Variants in BRINP3 observed in about 807,000 individuals in gnomAD.
BRINP3 encodes the protein BMP/retinoic acid-inducible neural-specific protein 3.
BRINP3 carries 19 observed loss-of-function variants against 71.0 expected under a neutral mutation model. The ratio of observed to expected loss-of-function variants is 0.27; its 90% CI spans 0.19 to 0.39. The LOEUF is 0.39. BRINP3 is among the 10% of genes least tolerant of loss of function. The pLI is 1.00. For synonymous variants in BRINP3, 380 were observed against 337.7 expected, an observed-to-expected ratio of 1.13 and a Z score of -1.37; for missense variants, 959 against 940.8, an observed-to-expected ratio of 1.02 and a Z score of -0.25.
chr1:190,436,489 A>T (rs1350105423), intron 2 of BRINP3, among the ~76,000 whole-genome samples: 1 of 151,846 alleles, frequency 6.6e-6, no homozygotes, highest in Non-Finnish European at 1.5e-5. Context: ...ATTCAAGCTA[A>T]ATTATAAGAT....
At chr1:190,246,281 G>A (rs1490683766) in intron 4 of BRINP3, among the ~76,000 whole-genome samples, 1 of 151,716 alleles carries the variant, frequency 6.6e-6, no homozygotes, top group Non-Finnish European at 1.5e-5. Flanking sequence ...TTCCTCTAGA[G>A]ACCAGAATCC....
chr1:190,162,768 T>G (rs1324597468), intron 6 of BRINP3, among the ~76,000 whole-genome samples: 3 of 152,150 alleles, frequency 2.0e-5, no homozygotes, highest in African/African-American at 7.2e-5. Flanking sequence ...TTAACTGAAC[T>G]AAAGTGAGTA....
intron 2 of BRINP3, among the ~76,000 whole-genome samples, chr1:190,309,053 T>C (rs753504128): frequency 1.3e-5 from 2 of 151,930 alleles, no homozygotes; most frequent in African/African-American, 4.8e-5. Context: ...CAAGTGTACA[T>C]CAACAGATTA....
rs763233124 is a variant in BRINP3, at chr1:190,160,770, C to T, written c.1082G>A (p.Ser361Asn). The change falls in exon 7 of 8, where the codon AGC becomes AAC. Residue 361 changes from serine (S) to asparagine (N), a missense_variant. Ser to Asn is a conservative substitution (Grantham distance 46). Transcript: ENST00000367462. ...FQRRYEQLEN[S>N]MKQLFLKAQK... ...CGCCTTTAGGAAAAGTTGTTTCATG[C>T]TGTTCTCCAGTTGTTCATAACGGCG... 8 of 1,613,468 alleles carry T rather than the reference C, an allele frequency of 5.0e-6. No homozygotes were observed. In the African/African-American group the frequency reaches 9.3e-5, roughly 19 times the overall value.
At chr1:190,280,933 G>T (rs943312841) in intron 3 of BRINP3, among the ~76,000 whole-genome samples, 1 of 151,796 alleles carries the variant, frequency 6.6e-6, no homozygotes, top group African/African-American at 2.4e-5. Context: ...TATTCAAAAT[G>T]CTGAATCACA....
intron 2 of BRINP3, among the ~76,000 whole-genome samples, chr1:190,310,919 A>G (rs777803975): frequency 3.3e-5 from 5 of 151,800 alleles, no homozygotes; most frequent in African/African-American, 4.8e-5. Context: ...AACAAAAACA[A>G]TATAATTCAA....
intron 2 of BRINP3, among the ~76,000 whole-genome samples, chr1:190,433,369 A>T (rs1440365899): frequency 1.3e-5 from 2 of 152,192 alleles, no homozygotes; most frequent in Non-Finnish European, 2.9e-5. Context: ...TCTACGATCT[A>T]CTTTCTGGGT....
At chr1:190,227,162 A>AAATCTGGT (rs1657467505) in intron 5 of BRINP3, among the ~76,000 whole-genome samples, 1 of 151,940 alleles carries the variant, frequency 6.6e-6, no homozygotes, top group African/African-American at 2.4e-5. Context: ...AGCTAAGGAA[A>AAATCTGGT]AATCTGGTAA....
chr1:190,465,632 G>A (rs1009710937), intron 1 of BRINP3, among the ~76,000 whole-genome samples: 5 of 151,706 alleles, frequency 3.3e-5, no homozygotes, highest in Non-Finnish European at 5.9e-5. Context: ...TTTTCTCTTA[G>A]TAATTTTCCA....
intron 1 of BRINP3, among the ~76,000 whole-genome samples, chr1:190,458,147 T>C (rs1435988228): frequency 6.6e-6 from 1 of 152,076 alleles, no homozygotes; most frequent in East Asian, 1.9e-4. Context: ...TATTTCTGTT[T>C]TTTCTACTTC....
chr1:190,405,509 G>T (rs976153222), intron 2 of BRINP3, among the ~76,000 whole-genome samples: 2 of 119,552 alleles, frequency 1.7e-5, no homozygotes, highest in Non-Finnish European at 3.3e-5. Flanking sequence ...TCAGAAGCGT[G>T]ACATATCATT....
chr1:190,138,735 A>G (rs1655179376), intron 7 of BRINP3, among the ~76,000 whole-genome samples: 1 of 152,166 alleles, frequency 6.6e-6, no homozygotes, highest in African/African-American at 2.4e-5. Flanking sequence ...CAACAGAGAC[A>G]GGTGGGTCTC....
chr1:190,176,729 GTC>G lies in BRINP3; in HGVS notation c.962-15841_962-15840del, dbSNP rs1198371776. ...TGAAGGGACGGGCTACGTTAAAGCT[GTC>G]AAGGTTTTAAATGAAGACCACACCC... On this transcript the variant is annotated intron_variant, in intron 6 of 7. Transcript: ENST00000367462. Among the ~76,000 whole-genome samples the G allele has an allele frequency of 2.0e-5, 3 of 152,040 alleles. No individual in the cohort carries two copies. The East Asian group carries it at 5.8e-4, about 29-fold the overall frequency.
At chr1:190,414,373 T>A (rs1394760543) in intron 2 of BRINP3, among the ~76,000 whole-genome samples, 5 of 152,062 alleles carry the variant, frequency 3.3e-5, no homozygotes, top group Non-Finnish European at 7.4e-5. Flanking sequence ...GAAATTACAT[T>A]TGCCTGCTAA....
chr1:190,234,174 G>T (rs1398722346), intron 5 of BRINP3, among the ~76,000 whole-genome samples, 198 bp downstream of exon 5: 3 of 152,042 alleles, frequency 2.0e-5, no homozygotes, highest in Non-Finnish European at 4.4e-5. Flanking sequence ...GAGAAGAAAA[G>T]AAAATTTTTG....
chr1:190,454,591 A>G, intron 2 of BRINP3, 64 bp downstream of exon 2: 2 of 1,367,322 alleles, frequency 1.5e-6, no homozygotes, highest in Non-Finnish European at 2.0e-6. Flanking sequence ...TCCCTTAGAG[A>G]AACTTATGTA....
intron 6 of BRINP3, among the ~76,000 whole-genome samples, chr1:190,179,944 TA>T (rs1201196152): frequency 5.9e-5 from 9 of 152,160 alleles, no homozygotes; most frequent in African/African-American, 2.2e-4. Flanking sequence ...TAAAGTGGAA[TA>T]ATGTTGGGTT....
intron 7 of BRINP3, among the ~76,000 whole-genome samples, chr1:190,112,873 C>T (rs1652807930): frequency 1.3e-5 from 2 of 152,034 alleles, no homozygotes; most frequent in Non-Finnish European, 2.9e-5. Context: ...AGGATTAAAT[C>T]AAAGCTACTT....
rs1162079011 is a variant in BRINP3 at position 190,250,643 on chromosome 1, C to T, written c.618+14222G>A. 8.6e-5 allele frequency among the ~76,000 whole-genome samples: 13 copies of T among 151,902 alleles called. No individual in the cohort carries two copies. The Admixed American group carries it at 8.6e-4, about 10-fold the overall frequency. ...TATATGTAATAGGAAATAAGAGACT[C>T]TCCAAGTACTGAGCAGCTCTGTAGT... is the stretch of plus-strand genomic sequence containing the variant. On this transcript the variant is annotated intron_variant, in intron 4 of 7. Transcript: ENST00000367462.
Sources: gnomAD v4.1 joint callset for allele counts (sites outside exome capture counted in the v4.1 genomes callset) on GRCh38, gnomAD v4.1.1 for gene constraint, MANE v1.5 for transcripts, NCBI Gene and HGNC (gene_info 2026-07-23, HGNC 2026-07-21) for gene names.